The following CHST11 variants were observed in gnomAD, a reference collection of about 807,000 sequenced individuals.
CHST11 encodes C4S-1.
CHST11 carries 9 observed loss-of-function variants against 30.4 expected under a neutral mutation model. The observed-to-expected ratio is 0.30, with a 90% CI of 0.18 to 0.52. The LOEUF (loss-of-function observed/expected upper bound fraction) is 0.52, where lower values mean the gene tolerates loss of function less well. Among genes scored for constraint, CHST11 ranks in the 20% least tolerant of loss-of-function variants. CHST11 has a pLI of 0.97. For synonymous variants in CHST11, 152 were observed against 187.8 expected (o/e 0.81, Z 1.56); for missense variants, 348 against 460.6 (o/e 0.76, Z 2.24).
chr12:104,735,981 G>A (rs554631977), intron 2 of CHST11, among the ~76,000 whole-genome samples: 2 of 152,156 alleles, frequency 1.3e-5, no homozygotes, highest in Admixed American at 1.3e-4. Context: ...AGGATGCGGG[G>A]TTGTGGCCAG....
intron 1 of CHST11, among the ~76,000 whole-genome samples, chr12:104,572,558 A>G (rs576680910): frequency 2.6e-4 from 40 of 152,054 alleles, no homozygotes; most frequent in African/African-American, 9.4e-4. Context: ...ATCGGTGGTG[A>G]TATCCCCTTT....
At chr12:104,485,831 C>A (rs2037671998) in intron 1 of CHST11, among the ~76,000 whole-genome samples, 1 of 152,254 alleles carries the variant, frequency 6.6e-6, no homozygotes, top group Non-Finnish European at 1.5e-5. Context: ...CTACCACAGA[C>A]TTCCTGCTGA....
chr12:104,532,572 C>T (rs1018890885), intron 1 of CHST11, among the ~76,000 whole-genome samples: 1 of 152,168 alleles, frequency 6.6e-6, no homozygotes, highest in African/African-American at 2.4e-5. Context: ...GTGTGTTCAC[C>T]AGCTCAGAAG....
chr12:104,634,286 A>G (rs555006373), intron 2 of CHST11, among the ~76,000 whole-genome samples: 2 of 152,314 alleles, frequency 1.3e-5, no homozygotes, highest in Admixed American at 6.5e-5. Context: ...AATGAAAGAC[A>G]TTCTGGGATT....
chr12:104,594,205 C>T (rs932199212), intron 1 of CHST11, among the ~76,000 whole-genome samples: 3 of 152,160 alleles, frequency 2.0e-5, no homozygotes, highest in African/African-American at 7.2e-5. Context: ...GATCTCCAGC[C>T]CTGCTTTGGG....
intron 1 of CHST11, among the ~76,000 whole-genome samples, chr12:104,488,691 GTA>G (rs1348656014): frequency 7.5e-5 from 11 of 147,282 alleles, no homozygotes; most frequent in African/African-American, 2.1e-4. Context: ...CTGTGTATGC[GTA>G]TGTGTGTGTA....
At chr12:104,677,632 G>T (rs948562036) in intron 2 of CHST11, among the ~76,000 whole-genome samples, 1 of 152,204 alleles carries the variant, frequency 6.6e-6, no homozygotes, top group Non-Finnish European at 1.5e-5. Flanking sequence ...CTAGGAATTT[G>T]GGGGGAATAG....
intron 1 of CHST11, among the ~76,000 whole-genome samples, chr12:104,578,238 T>C (rs2038704158): frequency 1.3e-5 from 2 of 152,344 alleles, no homozygotes; most frequent in South Asian, 4.1e-4. Flanking sequence ...ACTGACTTCC[T>C]GGTCTCCAGA....
At chr12:104,501,401 A>G (rs548670921) in intron 1 of CHST11, among the ~76,000 whole-genome samples, 1 of 152,288 alleles carries the variant, frequency 6.6e-6, no homozygotes, top group African/African-American at 2.4e-5. Flanking sequence ...TAATTTTGCT[A>G]GGTAATTTTG....
intron 2 of CHST11, among the ~76,000 whole-genome samples, chr12:104,612,958 A>G (rs1034014500): frequency 2.0e-5 from 3 of 152,204 alleles, no homozygotes; most frequent in African/African-American, 7.2e-5. Context: ...GCGGTGGCTC[A>G]TGCCTGTAAT....
chr12:104,474,469 G>A (rs984075387), intron 1 of CHST11, among the ~76,000 whole-genome samples: 1 of 152,148 alleles, frequency 6.6e-6, no homozygotes, highest in Non-Finnish European at 1.5e-5. Context: ...TCTTTCTTGG[G>A]ACTCTGCAGA....
At chr12:104,605,161 A>AT (rs2136049363) in intron 2 of CHST11, among the ~76,000 whole-genome samples, 1 of 151,988 alleles carries the variant, frequency 6.6e-6, no homozygotes, top group African/African-American at 2.4e-5. Context: ...CCAAAAAAAA[A>AT]AAAAAAAAAA....
At chr12:104,581,740 G>C (rs1228437966) in intron 1 of CHST11, among the ~76,000 whole-genome samples, 2 of 152,146 alleles carry the variant, frequency 1.3e-5, no homozygotes. Context: ...GAGTGGCTCG[G>C]GCACAGGTGG....
chr12:104,757,443 C>T lies in CHST11; in HGVS notation c.699C>T (p.Asp233=), dbSNP rs1043870164. 108 of 1,613,938 alleles carry T rather than the reference C, an allele frequency of 6.7e-5. No homozygotes were observed. The highest frequency in any genetic ancestry group is 2.8e-4 in the Admixed American group (17 of 59,992). Residue 233 remains aspartate (D), a synonymous_variant, in exon 3 of 3, where the codon GAC becomes GAT. Transcript: ENST00000303694. The surrounding 1 kb of genome is among the most constrained non-coding windows in gnomAD (Gnocchi z 6.5). ...CCCAGGAGGCCCTGCGCAAAGGGGA[C>T]GATGTCAAATTCGAGGAGTTTGTGG... ...NATQEALRKG[D]DVKFEEFVAY... is the part of the protein sequence containing the mutation.
At position 104,761,515 on chromosome 12, in the gene CHST11, C is replaced by G. The variant is rs1284772487; in HGVS notation, c.*3712C>G. On this transcript the variant is annotated 3_prime_UTR_variant, in exon 3 of 3. Transcript: ENST00000303694. ...CACACACACACAATCTCAGCTGCGC[C>G]ATTCTGTGCAATCCCAGTGACCAAA... The G allele has an allele frequency of 7.1e-6, 1 of 140,306 alleles. No individual in the cohort carries two copies. Among genetic ancestry groups the G allele is most frequent in the African/African-American group, 3.1e-5 (1 of 31,910 alleles). The allele number at this position is 140,306 out of a possible 1,614,324, so 8.7% of individuals were successfully genotyped here. A position where few individuals can be genotyped will look rare whatever the true frequency, so the allele number is the denominator to read the frequency against.
intron 2 of CHST11, among the ~76,000 whole-genome samples, chr12:104,743,947 T>G (rs374649247): frequency 3.6e-4 from 55 of 152,368 alleles, no homozygotes; most frequent in African/African-American, 1.2e-3. Context: ...TCTCTCTTTT[T>G]TTATGGCTGC....
At chr12:104,614,575 A>G (rs1026146416) in intron 2 of CHST11, among the ~76,000 whole-genome samples, 3 of 152,082 alleles carry the variant, frequency 2.0e-5, no homozygotes, top group Non-Finnish European at 4.4e-5. Context: ...GATGTCCTAT[A>G]TGAGTTTAAT....
chr12:104,750,697 G>A (rs1476680079), intron 2 of CHST11, among the ~76,000 whole-genome samples: 7 of 151,788 alleles, frequency 4.6e-5, no homozygotes, highest in Non-Finnish European at 8.8e-5. Flanking sequence ...ACTCGCCTCA[G>A]CCTCCCTAAA....
chr12:104,585,516 C>T (rs12829561), intron 1 of CHST11, among the ~76,000 whole-genome samples: 7,499 of 152,194 alleles, frequency 0.049, 402 homozygotes, highest in African/African-American at 0.13. Flanking sequence ...AGGCCCTGCT[C>T]GAAACACGTG....
Sources: gnomAD v4.1 joint callset for allele counts (sites outside exome capture counted in the v4.1 genomes callset) on GRCh38, gnomAD v4.1.1 for gene constraint, Gnocchi (gnomAD v3.1) non-coding constraint, MANE v1.5 for transcripts, NCBI Gene and HGNC (gene_info 2026-07-23, HGNC 2026-07-21) for gene names.